The following SLC16A7 variants were observed in gnomAD, a reference collection of about 807,000 sequenced individuals.
SLC16A7 encodes solute carrier family 16 member 7.
In SLC16A7, 33 loss-of-function variants were observed where a neutral mutation model predicts 34.9. The ratio of observed to expected loss-of-function variants is 0.94; its 90% CI spans 0.72 to 1.26. SLC16A7 has a LOEUF of 1.26. Among genes scored for constraint, SLC16A7 ranks in the 50% most tolerant of loss-of-function variants. SLC16A7 has a pLI of 0.00. For missense variants in SLC16A7, 573 were observed against 578.1 expected (o/e 0.99, Z 0.09); for synonymous variants, 201 against 206.6 (o/e 0.97, Z 0.23).
At chr12:59,654,253 TA>T (rs927667356) in intron 1 of SLC16A7, among the ~76,000 whole-genome samples, 5 of 151,396 alleles carry the variant, frequency 3.3e-5, no homozygotes, top group East Asian at 1.9e-4. Flanking sequence ...TAATAGTTAA[TA>T]GTTATTAATA....
chr12:59,629,324 C>A lies in SLC16A7; in HGVS notation c.-129-25828C>A, dbSNP rs373097564. On this transcript the variant is annotated intron_variant, in intron 1 of 5. Transcript: ENST00000547379. ...CAACTGTATCTATCTGTCTCAATTT[C>A]TGCCATATACAGTGGTAGAACAGTA... Among the ~76,000 whole-genome samples, 70 of 151,996 alleles carry A rather than the reference C, an allele frequency of 4.6e-4. 6 individuals carry two copies. In the South Asian group the frequency reaches 7.3e-3, roughly 16 times the overall value.
At chr12:59,702,940 T>C (rs1213980537) in intron 2 of SLC16A7, among the ~76,000 whole-genome samples, 1 of 152,022 alleles carries the variant, frequency 6.6e-6, no homozygotes. Context: ...TCTTAATATC[T>C]CTGAAATTTG....
At chr12:59,751,081 GGGACA>G in intron 3 of SLC16A7, among the ~76,000 whole-genome samples, 1 of 152,074 alleles carries the variant, frequency 6.6e-6, no homozygotes, top group African/African-American at 2.4e-5. Context: ...GGCTAGGGGA[GGGACA>G]GCATTAGAAG....
chr12:59,659,299 T>C (rs1036012869), intron 2 of SLC16A7, among the ~76,000 whole-genome samples: 5 of 152,126 alleles, frequency 3.3e-5, no homozygotes, highest in Middle Eastern at 3.2e-3. Context: ...TGAGTACATA[T>C]TTCTTACATG....
In SLC16A7 at chr12:59,766,598, T is replaced by G. The variant is rs557428699; in HGVS notation, c.218-4621T>G. On this transcript the variant is annotated intron_variant, in intron 3 of 5. Coordinates refer to ENST00000547379, the MANE Select transcript of SLC16A7 (RefSeq NM_001270623.2). Reference sequence around the variant, plus strand: ...CATCTATTGAGATAATCATGTGGTTTTTGTCTTTGGTTCTGTTTATATGCT... The same window carrying G: ...CATCTATTGAGATAATCATGTGGTTGTTGTCTTTGGTTCTGTTTATATGCT... 6.6e-5 allele frequency among the ~76,000 whole-genome samples: 10 copies of G among 152,302 alleles called. No homozygotes were observed. In the South Asian group the frequency reaches 1.9e-3, roughly 28 times the overall value.
At chr12:59,694,325 C>A (rs1464414190) in intron 2 of SLC16A7, among the ~76,000 whole-genome samples, 1 of 151,836 alleles carries the variant, frequency 6.6e-6, no homozygotes, top group Admixed American at 6.6e-5. Flanking sequence ...CACACAAACT[C>A]TAAAACACTA....
intron 1 of SLC16A7, among the ~76,000 whole-genome samples, chr12:59,648,877 T>C (rs960277239): frequency 6.6e-6 from 1 of 152,160 alleles, no homozygotes; most frequent in African/African-American, 2.4e-5. Context: ...GGATAGATTA[T>C]TGATTGTGGT....
intron 3 of SLC16A7, among the ~76,000 whole-genome samples, chr12:59,728,852 G>A (rs982426687): frequency 2.0e-5 from 3 of 152,144 alleles, no homozygotes; most frequent in South Asian, 2.1e-4. Flanking sequence ...ACTTTGTAGC[G>A]TACTTTTTTT....
intron 1 of SLC16A7, among the ~76,000 whole-genome samples, chr12:59,628,280 T>C (rs534389062): frequency 2.6e-5 from 4 of 151,962 alleles, no homozygotes; most frequent in Non-Finnish European, 5.9e-5. Context: ...TCTTAAATTA[T>C]CTTGCATCTT....
intron 1 of SLC16A7, among the ~76,000 whole-genome samples, chr12:59,633,931 G>A (rs957927068): frequency 6.6e-5 from 10 of 152,024 alleles, no homozygotes; most frequent in African/African-American, 2.4e-4. Context: ...ATTTGGGTGG[G>A]GACACAGAGC....
intron 1 of SLC16A7, among the ~76,000 whole-genome samples, chr12:59,633,651 A>C (rs1565625692): frequency 6.6e-6 from 1 of 152,036 alleles, no homozygotes; most frequent in Non-Finnish European, 1.5e-5. Context: ...TATGAAAAAA[A>C]AAAAAGAGAT....
At chr12:59,686,095 CTTTTTTTTTTTT>C (rs572779305) in intron 2 of SLC16A7, among the ~76,000 whole-genome samples, 13 of 93,522 alleles carry the variant, frequency 1.4e-4, no homozygotes, top group Admixed American at 3.5e-4. Flanking sequence ...AAGAACTTTT[CTTTTTTTTTTTT>C]TTTTTTTTTG....
intron 4 of SLC16A7, 33 bp from the exon 5 acceptor site, chr12:59,774,624 T>C: frequency 7.3e-7 from 1 of 1,363,842 alleles, no homozygotes; most frequent in Middle Eastern, 2.4e-4. Context: ...AATGTGTTTG[T>C]GTTTTCCCCC....
chr12:59,709,267 C>A (rs1873941736), intron 3 of SLC16A7, among the ~76,000 whole-genome samples: 1 of 151,438 alleles, frequency 6.6e-6, no homozygotes, highest in South Asian at 2.1e-4. Context: ...GAAGAATTGG[C>A]TTTGTCTCCA....
At chr12:59,616,571 G>T (rs1180013594) in intron 1 of SLC16A7, among the ~76,000 whole-genome samples, 1 of 152,040 alleles carries the variant, frequency 6.6e-6, no homozygotes, top group East Asian at 1.9e-4. Context: ...GCCTTCAGTT[G>T]TGCAAAAATA....
At chr12:59,669,652 T>TCACACACACACA (rs144456899) in intron 2 of SLC16A7, among the ~76,000 whole-genome samples, 3,280 of 139,550 alleles carry the variant, frequency 0.024, 82 homozygotes, top group East Asian at 0.057. Flanking sequence ...CCATAGATAG[T>TCACACACACACA]CACACACACA....
chr12:59,776,194 G>T (rs1183570581), intron 5 of SLC16A7, among the ~76,000 whole-genome samples: 1 of 152,126 alleles, frequency 6.6e-6, no homozygotes, highest in Non-Finnish European at 1.5e-5. Flanking sequence ...CTCACAAATT[G>T]AGAAGCTGGT....
chr12:59,656,509 A>T (rs1844134976), intron 2 of SLC16A7, among the ~76,000 whole-genome samples: 1 of 152,008 alleles, frequency 6.6e-6, no homozygotes. Context: ...AAGCAAGGAA[A>T]CAGATTCTCT....
chr12:59,625,861 A>G (rs150965792), intron 1 of SLC16A7, among the ~76,000 whole-genome samples: 19 of 151,930 alleles, frequency 1.3e-4, no homozygotes, highest in African/African-American at 2.6e-4. Context: ...TAAAAACAGA[A>G]CAACTTGTCA....
Sources: allele counts gnomAD v4.1 joint callset (sites outside exome capture counted in the v4.1 genomes callset), GRCh38; gene constraint gnomAD v4.1.1; transcripts MANE v1.5; gene names NCBI Gene and HGNC (gene_info 2026-07-23, HGNC 2026-07-21).